Variants in CP observed in about 807,000 individuals in gnomAD.
CP encodes the protein ceruloplasmin, also known as caeruloplasmin.
Under a neutral mutation model 122.4 loss-of-function variants are expected in CP, and 64 were observed. That is an observed-to-expected ratio of 0.52 (90% CI 0.43 to 0.64). The LOEUF (loss-of-function observed/expected upper bound fraction) is 0.64. CP is among the 30% of genes least tolerant of loss of function. CP has a pLI of 0.00. For synonymous variants in CP, 440 were observed against 436.4 expected, an observed-to-expected ratio of 1.01 and a Z score of -0.10; for missense variants, 1,167 against 1,284.4, an observed-to-expected ratio of 0.91 and a Z score of 1.40.
chr3:149,166,034 G>C (rs1029694480), exon 5 of CP: 8 of 456,028 alleles, frequency 1.8e-5, no homozygotes, highest in Non-Finnish European at 3.1e-5. Flanking sequence ...ATATTCTCCT[G>C]TGAGTCTCAG....
intron 5 of CP, chr3:149,165,800 T>A: frequency 3.2e-6 from 1 of 317,328 alleles, no homozygotes; most frequent in Non-Finnish European, 6.2e-6. Context: ...AGTCAAGAGT[T>A]AAATATAGAG....
In CP at chr3:149,162,820, G is replaced by A. The variant is rs575323437; in HGVS notation, c.*69C>T. 3 of 1,614,038 alleles carry A rather than the reference G, an allele frequency of 1.9e-6. No individual in the cohort carries two copies. The highest frequency in any genetic ancestry group is 2.2e-5 in the East Asian group (1 of 44,884). On this transcript the variant is annotated 3_prime_UTR_variant, in exon 6 of 6. Coordinates refer to the CP transcript ENST00000479771. ...TTCAAACTCACATCACAGTACATCT[G>A]GAGATTGTCTAAGAGGCAGCCTCCT...
intron 13 of CP, 71 bp downstream of exon 13, chr3:149,183,395 T>C: frequency 6.6e-7 from 1 of 1,517,172 alleles, no homozygotes; most frequent in East Asian, 2.3e-5. Context: ...CCCATAGACA[T>C]GAATTGACGG....
rs1011148658 is a variant in CP at position 149,207,520 on chromosome 3, A to T, written c.879T>A (p.Asp293Glu). 4.3e-6 allele frequency: 7 copies of T among 1,613,892 alleles called. No homozygotes were observed. The highest frequency in any genetic ancestry group is 5.9e-6 in the Non-Finnish European group (7 of 1,179,888). Residue 293 changes from aspartate to glutamate, a missense_variant, in exon 5 of 19, where the codon GAT (aspartate) becomes GAA (glutamate). Transcript: ENST00000264613. ...WYLFGMGNEV[D>E]VHAAFFHGQA... ...GCCCGTGAAAGAAAGCTGCGTGCAC[A>T]TCAACTTCATTACCCATACCAAAAA...
At chr3:149,221,500 G>T (rs528578620) in intron 1 of CP, 147 bp downstream of exon 1, 71 of 652,426 alleles carry the variant, frequency 1.1e-4, no homozygotes, top group Admixed American at 6.4e-5. Context: ...GGAATATAAA[G>T]GAGATTGATT....
rs1310722816 is a variant in CP at position 149,202,118 on chromosome 3, C to G, written c.1332G>C (p.Glu444Asp). The G allele has an allele frequency of 1.2e-6, 2 of 1,614,130 alleles. No homozygotes were observed. The highest frequency in any genetic ancestry group is 1.7e-6 in the Non-Finnish European group (2 of 1,179,992). ...AGAACTCACCCAGGATGCCAAGATG[C>G]TCTTCTTCAGGGCCTCTCTCCTTTC... is the stretch of plus-strand genomic sequence containing the variant. ...TNRKERGPEE[E>D]HLGILGPVIW... Residue 444 changes from glutamate to aspartate, a missense_variant, in exon 7 of 19, where the codon GAG (glutamate) becomes GAC (aspartate). Physicochemically the swap from Glu to Asp is conservative, Grantham distance 45. This residue lies in a region of CP where 642 missense variants were observed against 627.3 expected (regional missense o/e 1.02). Coordinates refer to ENST00000264613, the MANE Select transcript of CP (RefSeq NM_000096.4).
At chr3:149,200,800 G>A (rs940810592) in intron 7 of CP, among the ~76,000 whole-genome samples, 3 of 151,518 alleles carry the variant, frequency 2.0e-5, no homozygotes, top group African/African-American at 4.9e-5. Context: ...ATGAGCCACC[G>A]CGCCCAGCCA....
Position 149,212,623 on chromosome 3 carries a change from C to T in CP, c.222G>A (p.Gln74=), listed in dbSNP as rs1027544508. ...GRLYKKALYL[Q]YTDETFRTTI... is the part of the protein sequence containing the mutation. ...TTGTCCTAAAGGTTTCATCTGTGTA[C>T]TGAAGATAAAGGGCCTTCTTATATA... The change falls in exon 2 of 19, where the codon CAG becomes CAA. Residue 74 remains glutamine, a synonymous_variant. Coordinates refer to ENST00000264613, the MANE Select transcript of CP (RefSeq NM_000096.4). 3 of 1,613,878 alleles carry T rather than the reference C, an allele frequency of 1.9e-6. No homozygotes were observed. The highest frequency in any genetic ancestry group is 1.6e-4 in the Middle Eastern group (1 of 6,082).
chr3:149,212,304 A>C, intron 2 of CP, 147 bp downstream of exon 2: 1 of 838,670 alleles, frequency 1.2e-6, no homozygotes, highest in Non-Finnish European at 1.7e-6. Context: ...GAAGTCAAAA[A>C]AAATTAAAAA....
At chr3:149,178,313 T>A in intron 16 of CP, 102 bp downstream of exon 16, 1 of 949,704 alleles carries the variant, frequency 1.1e-6, no homozygotes, top group Non-Finnish European at 1.6e-6. Flanking sequence ...GCAGAAGTGG[T>A]TTATTTTAAG....
Position 149,186,812 on chromosome 3 carries a change from C to G in CP, c.1865-80G>C. 3.6e-6 allele frequency: 5 copies of G among 1,391,086 alleles called. No homozygotes were observed. In the South Asian group the frequency reaches 5.9e-5, roughly 16 times the overall value. The allele number at this position is 1,391,086 out of a possible 1,614,324, so 86.2% of individuals were successfully genotyped here. A position where few individuals can be genotyped will look rare whatever the true frequency, so the allele number is the denominator to read the frequency against. The stretch of plus-strand genomic sequence containing the variant: ...AACCTCACAGACTTTCCAGGACCAA[C>G]TTTGTTTTTTTAATTTTTAAAAGAC... On this transcript the variant is annotated intron_variant, in intron 10 of 18. Transcript: ENST00000264613.
rs1484257228 is a variant in CP at position 149,185,374 on chromosome 3, T to C, written c.2150A>G (p.Gln717Arg). Residue 717 changes from glutamine to arginine, a missense_variant, in exon 12 of 19, where the codon CAA becomes CGA. Gln to Arg is a conservative substitution (Grantham distance 43). Coordinates refer to ENST00000264613, the MANE Select transcript of CP (RefSeq NM_000096.4). Reference protein sequence around the residue: ...GGMKQKYTVNQCRRQSEDSTF... With the variant: ...GGMKQKYTVNRCRRQSEDSTF... ...GGAATCCTCAGACTGCCGCCTGCAT[T>C]GGTTCACAGTATATTTTTGCTTCAT... 6.2e-7 allele frequency: 1 copy of C among 1,614,170 alleles called. No homozygotes were observed. Among genetic ancestry groups the C allele is most frequent in the Non-Finnish European group, 8.5e-7 (1 of 1,180,024 alleles).
At chr3:149,162,445 A>T (rs888249678) in exon 6 of CP, 18 of 973,658 alleles carry the variant, frequency 1.8e-5, no homozygotes, top group African/African-American at 2.4e-5. Flanking sequence ...GAAAAAACAG[A>T]CATACATAAT....
intron 5 of CP, among the ~76,000 whole-genome samples, chr3:149,163,297 T>G (rs1274258441): frequency 6.6e-6 from 1 of 152,186 alleles, no homozygotes; most frequent in East Asian, 1.9e-4. Flanking sequence ...GGCCCCCATT[T>G]CCTGTCTGTT....
chr3:149,212,493 T>C lies in CP; in HGVS notation c.352A>G (p.Thr118Ala). 5.0e-6 allele frequency: 8 copies of C among 1,613,870 alleles called. No individual in the cohort carries two copies. The highest frequency in any genetic ancestry group is 6.8e-6 in the Non-Finnish European group (8 of 1,179,890). Residue 118 changes from threonine to alanine, a missense_variant, in exon 2 of 19, where the codon ACC (threonine) becomes GCC (alanine). By Grantham distance (58) the Thr-to-Ala change is moderately conservative. This residue lies in a region of CP where 642 missense variants were observed against 627.3 expected (regional missense o/e 1.02). Coordinates refer to ENST00000264613, the MANE Select transcript of CP (RefSeq NM_000096.4). ...TAAGTTATTCCATGTGAATGAAAGGTGTAGGGCCTAGAGGCAAGGTTTTTT... is the reference window on the plus strand; with the variant it reads ...TAAGTTATTCCATGTGAATGAAAGGCGTAGGGCCTAGAGGCAAGGTTTTTT... The part of the protein sequence containing the change: ...HLKNLASRPY[T>A]FHSHGITYYK...
At position 149,179,504 on chromosome 3, in the gene CP, A is replaced by G. The variant is rs1725641311; in HGVS notation, c.2661+52T>C. 9 of 1,329,060 alleles carry G rather than the reference A, an allele frequency of 6.8e-6. No homozygotes were observed. In the East Asian group the frequency reaches 2.1e-4, roughly 31 times the overall value. The allele number at this position is 1,329,060 out of a possible 1,614,324, so 82.3% of individuals were successfully genotyped here. Reference sequence around the variant, plus strand: ...GAAAACACTAACCTTGTCTTCCTTCAATTGTGTGTCTATTTTGGGAAGTGT... The same window carrying G: ...GAAAACACTAACCTTGTCTTCCTTCGATTGTGTGTCTATTTTGGGAAGTGT... On this transcript the variant is annotated intron_variant, in intron 15 of 18. Transcript: ENST00000264613.
Position 149,210,289 on chromosome 3 carries a change from G to A in CP, c.485C>T (p.Thr162Ile). ...GEQYTYMLLA[T>I]EEQSPGEGDG... ...TCCTTCCCCAGGACTTTGTTCTTCA[G>A]TGGCAAGCAACATGTATGTATACTG... The change falls in exon 3 of 19, where the codon ACT becomes ATT. Residue 162 changes from threonine to isoleucine, a missense_variant. Thr to Ile is a moderately conservative substitution (Grantham distance 89, BLOSUM62 -1). Coordinates refer to ENST00000264613, the MANE Select transcript of CP (RefSeq NM_000096.4). 12 of 1,614,046 alleles carry A rather than the reference G, an allele frequency of 7.4e-6. No homozygotes were observed. Among genetic ancestry groups the A allele is most frequent in the African/African-American group, 1.3e-5 (1 of 75,020 alleles).
chr3:149,203,278 T>G (rs1422566472), intron 6 of CP, among the ~76,000 whole-genome samples: 1 of 150,514 alleles, frequency 6.6e-6, no homozygotes, highest in African/African-American at 2.4e-5. Context: ...TATTTTTTGT[T>G]TTTGGAGCAG....
rs369270459 is a variant in CP at position 149,179,205 on chromosome 3, C to G, written c.2661+351G>C. 9.9e-5 allele frequency among the ~76,000 whole-genome samples: 15 copies of G among 152,230 alleles called. No individual in the cohort carries two copies. The East Asian group carries it at 2.1e-3, about 22-fold the overall frequency. On this transcript the variant is annotated intron_variant, in intron 15 of 18. Coordinates refer to ENST00000264613, the MANE Select transcript of CP (RefSeq NM_000096.4). The stretch of plus-strand genomic sequence containing the variant: ...ACGTATTACAACGGCCTCCCAACCT[C>G]CAGTCTCTTCCCCCTCCAAGCCTTC...
Sources: gnomAD v4.1 joint callset for allele counts (sites outside exome capture counted in the v4.1 genomes callset) on GRCh38, gnomAD v4.1.1 for gene constraint, gnomAD v4.1.1 regional missense constraint, MANE v1.5 for transcripts, NCBI Gene and HGNC (gene_info 2026-07-23, HGNC 2026-07-21) for gene names.